Variants in PACRG observed in about 807,000 individuals in gnomAD.
PACRG encodes the protein parkin coregulated gene protein.
A neutral mutation model predicts 29.7 loss-of-function variants in PACRG; 29 were observed. The ratio of observed to expected loss-of-function variants is 0.98; its 90% CI spans 0.73 to 1.33. The LOEUF is 1.33. Among genes scored for constraint, PACRG ranks in the 40% most tolerant of loss-of-function variants. The pLI is 0.00. For synonymous variants in PACRG, 116 were observed against 118.7 expected (o/e 0.98, Z 0.15); for missense variants, 279 against 316.2 (o/e 0.88, Z 0.89).
intron 4 of PACRG, among the ~76,000 whole-genome samples, chr6:163,184,274 G>A (rs1430708762): frequency 6.6e-6 from 1 of 152,168 alleles, no homozygotes; most frequent in Non-Finnish European, 1.5e-5. Flanking sequence ...TTTTAAAGTA[G>A]CATTTCTTGT....
chr6:163,152,962 C>CT (rs1383622599), intron 4 of PACRG, among the ~76,000 whole-genome samples: 1 of 152,102 alleles, frequency 6.6e-6, no homozygotes, highest in Non-Finnish European at 1.5e-5. Context: ...TGCTTGGCTG[C>CT]TTCAGGGGAG....
Position 162,728,387 on chromosome 6 carries a change from C to A in PACRG, c.152C>A (p.Ser51Ter). 1 of 1,611,754 alleles carries A rather than the reference C, an allele frequency of 6.2e-7. No individual in the cohort carries two copies. The highest frequency in any genetic ancestry group is 8.5e-7 in the Non-Finnish European group (1 of 1,179,952). The change falls in exon 1 of 5, where the codon TCA (serine) becomes TAA (stop). Residue 51 changes from serine (S) to a stop codon, truncating the protein, a stop_gained. Transcript: ENST00000366888. LOFTEE classifies it high-confidence loss of function. ...GFTVKAMMKN[S>*]VVRGPPAAGA... Reference sequence around the variant, plus strand: ...ACAGTCAAAGCCATGATGAAAAACTCAGTCGTAAGTGATCTTCCTGAATTA... The same window carrying A: ...ACAGTCAAAGCCATGATGAAAAACTAAGTCGTAAGTGATCTTCCTGAATTA...
At chr6:162,738,673 T>C in intron 1 of PACRG, among the ~76,000 whole-genome samples, 1 of 152,308 alleles carries the variant, frequency 6.6e-6, no homozygotes, top group Non-Finnish European at 1.5e-5. Flanking sequence ...TTTTTAAAGG[T>C]AAGGAATGTA....
intron 3 of PACRG, among the ~76,000 whole-genome samples, chr6:163,080,278 TG>T (rs1812961655): frequency 1.3e-5 from 2 of 152,144 alleles, no homozygotes. Context: ...CTCCTTCCTT[TG>T]GTCACCTTTT....
intron 1 of PACRG, among the ~76,000 whole-genome samples, chr6:162,770,302 A>C (rs1427040510): frequency 1.3e-5 from 2 of 152,190 alleles, no homozygotes; most frequent in Non-Finnish European, 2.9e-5. Context: ...TTCTTGGCAC[A>C]ACTACCCAGA....
At chr6:162,879,874 A>C (rs2128011169) in intron 2 of PACRG, among the ~76,000 whole-genome samples, 2 of 152,358 alleles carry the variant, frequency 1.3e-5, no homozygotes, top group South Asian at 4.1e-4. Flanking sequence ...TATATCTATA[A>C]GGATTTCCTG....
In PACRG at chr6:163,139,603, A is replaced by G. The variant is rs1357421105; in HGVS notation, c.613+50195A>G. 3.3e-5 allele frequency among the ~76,000 whole-genome samples: 5 copies of G among 152,358 alleles called. No individual in the cohort carries two copies. The East Asian group carries it at 9.6e-4, about 29-fold the overall frequency. ...GGCAAAAAAAAAGAGAAAGCTTTTA[A>G]TCAATAACTATTTGTTTTGTTTCTA... is the stretch of plus-strand genomic sequence containing the variant. On this transcript the variant is annotated intron_variant, in intron 4 of 4. Transcript: ENST00000366888.
intron 4 of PACRG, among the ~76,000 whole-genome samples, chr6:163,237,214 G>T (rs1782280631): frequency 6.6e-6 from 1 of 152,106 alleles, no homozygotes; most frequent in South Asian, 2.1e-4. Context: ...GGTTTGATTG[G>T]CTAGTTGGTG....
intron 2 of PACRG, among the ~76,000 whole-genome samples, chr6:162,839,834 C>A (rs1036582135): frequency 9.3e-5 from 14 of 150,446 alleles, no homozygotes; most frequent in African/African-American, 3.2e-4. Flanking sequence ...TTCCCAGCAC[C>A]ATTTATTAAA....
chr6:162,741,400 G>T (rs1187928083), intron 1 of PACRG, among the ~76,000 whole-genome samples: 1 of 152,148 alleles, frequency 6.6e-6, no homozygotes, highest in Non-Finnish European at 1.5e-5. Context: ...TCAAGGTCAA[G>T]GTGCCACCAT....
At chr6:163,224,917 G>A (rs563685847) in intron 4 of PACRG, among the ~76,000 whole-genome samples, 34 of 152,142 alleles carry the variant, frequency 2.2e-4, no homozygotes, top group African/African-American at 1.9e-4. Context: ...GATAACCTAC[G>A]GAATGGAAGA....
intron 4 of PACRG, among the ~76,000 whole-genome samples, chr6:163,284,284 C>T (rs1443520956): frequency 1.3e-5 from 2 of 152,194 alleles, no homozygotes; most frequent in East Asian, 1.9e-4. Context: ...GCTGCCAGCC[C>T]GGGGCCAGGC....
chr6:163,239,094 C>T (rs1006334774), intron 4 of PACRG, among the ~76,000 whole-genome samples: 2 of 152,126 alleles, frequency 1.3e-5, no homozygotes, highest in Non-Finnish European at 2.9e-5. Context: ...CCCATCACCT[C>T]GATAAATTAC....
intron 2 of PACRG, among the ~76,000 whole-genome samples, chr6:162,967,982 A>T (rs2128154662): frequency 6.6e-6 from 1 of 152,306 alleles, no homozygotes; most frequent in African/African-American, 2.4e-5. Flanking sequence ...TAAAAATTGG[A>T]TGCTATTCAC....
chr6:163,219,923 C>A (rs1454985339), intron 4 of PACRG, among the ~76,000 whole-genome samples: 1 of 152,184 alleles, frequency 6.6e-6, no homozygotes, highest in Non-Finnish European at 1.5e-5. Context: ...AGAGGCCTCC[C>A]CTGGCTGCCC....
rs902868590 is a variant in PACRG, at chr6:162,740,748, C to T, written c.156+12357C>T. 1.3e-4 allele frequency among the ~76,000 whole-genome samples: 20 copies of T among 151,782 alleles called. No individual in the cohort carries two copies. The East Asian group carries it at 1.6e-3, about 12-fold the overall frequency. Reference sequence around the variant, plus strand: ...CAAAGTAGCTGGGACTACAGGCCCGCGCCACCACGCCCAGCTAATTTTTGT... The same window carrying T: ...CAAAGTAGCTGGGACTACAGGCCCGTGCCACCACGCCCAGCTAATTTTTGT... On this transcript the variant is annotated intron_variant, in intron 1 of 4. Coordinates refer to ENST00000366888, the MANE Select transcript of PACRG (RefSeq NM_001080379.2).
intron 4 of PACRG, among the ~76,000 whole-genome samples, chr6:163,292,524 C>CTGAGTAGCTGGGA (rs1351596421): frequency 5.3e-5 from 8 of 152,138 alleles, no homozygotes; most frequent in African/African-American, 1.9e-4. Flanking sequence ...CCTCGGCCTC[C>CTGAGTAGCTGGGA]TGAGTAGCTG....
chr6:163,104,394 T>C (rs543942413), intron 4 of PACRG, among the ~76,000 whole-genome samples: 146 of 152,326 alleles, frequency 9.6e-4, no homozygotes, highest in African/African-American at 3.4e-3. Flanking sequence ...GCTGTCTTCG[T>C]CCATTTTTGT....
At chr6:163,157,569 A>T (rs1163000287) in intron 4 of PACRG, among the ~76,000 whole-genome samples, 1 of 152,182 alleles carries the variant, frequency 6.6e-6, no homozygotes, top group Non-Finnish European at 1.5e-5. Flanking sequence ...GGGCAGATGA[A>T]CGCACATTAG....
Sources: allele counts gnomAD v4.1 joint callset (sites outside exome capture counted in the v4.1 genomes callset), GRCh38; gene constraint gnomAD v4.1.1; transcripts MANE v1.5; gene names NCBI Gene and HGNC (gene_info 2026-07-23, HGNC 2026-07-21).